Variants in ADARB2 observed in about 807,000 individuals in gnomAD.
ADARB2 encodes the protein inactive double-stranded RNA-specific editase B2.
In ADARB2, 25 loss-of-function variants were observed where a neutral mutation model predicts 62.2. The ratio of observed to expected loss-of-function variants is 0.40; its 90% CI spans 0.29 to 0.56. The LOEUF (loss-of-function observed/expected upper bound fraction) is 0.56. ADARB2 is among the 20% of genes least tolerant of loss of function. ADARB2 has a pLI of 0.43. For synonymous variants in ADARB2, 572 were observed against 500.8 expected (o/e 1.14, Z -1.90); for missense variants, 1,071 against 1,077.4 (o/e 0.99, Z 0.08).
chr10:1,305,195 C>T (rs1340006153), intron 3 of ADARB2, among the ~76,000 whole-genome samples: 115 of 142,484 alleles, frequency 8.1e-4, no homozygotes, highest in South Asian at 3.6e-3. Context: ...ATCAAATAGA[C>T]GCAATAAAAA....
At chr10:1,405,427 C>T (rs907354805) in intron 1 of ADARB2, among the ~76,000 whole-genome samples, 1 of 152,076 alleles carries the variant, frequency 6.6e-6, no homozygotes, top group African/African-American at 2.4e-5. Context: ...GTCAGGAGTT[C>T]GGGACCAGCC....
At chr10:1,673,312 T>TTGTGTGTGTGTGTG (rs1373662397) in intron 1 of ADARB2, among the ~76,000 whole-genome samples, 3 of 72,224 alleles carry the variant, frequency 4.2e-5, no homozygotes, top group East Asian at 9.4e-4. Context: ...AGATTTCATT[T>TTGTGTGTGTGTGTG]TATGTGTGTG....
intron 3 of ADARB2, among the ~76,000 whole-genome samples, chr10:1,299,838 A>G (rs12217541): frequency 0.44 from 66,820 of 152,092 alleles, 16,299 homozygotes; most frequent in East Asian, 0.69. Flanking sequence ...GTGCTTCCGG[A>G]GGCCATGCGG....
chr10:1,608,747 AGAAG>A (rs1247659131), intron 1 of ADARB2, among the ~76,000 whole-genome samples: 11 of 150,128 alleles, frequency 7.3e-5, no homozygotes, highest in African/African-American at 2.5e-4. Context: ...AAGAGAAGAA[AGAAG>A]GAAGGAAGGA....
At chr10:1,680,534 G>A (rs779480107) in intron 1 of ADARB2, among the ~76,000 whole-genome samples, 6 of 152,136 alleles carry the variant, frequency 3.9e-5, no homozygotes, top group Non-Finnish European at 8.8e-5. Flanking sequence ...GTGTGTGGGC[G>A]CTTTTGGAAG....
At chr10:1,575,375 G>A (rs535795328) in intron 1 of ADARB2, among the ~76,000 whole-genome samples, 2 of 152,354 alleles carry the variant, frequency 1.3e-5, no homozygotes, top group Admixed American at 6.5e-5. Context: ...ATTTTTCTGG[G>A]AGGGAAATGC....
At chr10:1,243,287 C>T (rs967686989) in intron 4 of ADARB2, among the ~76,000 whole-genome samples, 6 of 152,372 alleles carry the variant, frequency 3.9e-5, no homozygotes, top group South Asian at 2.1e-4. Flanking sequence ...ACGCGTTAGC[C>T]GCTGACCGCG....
At chr10:1,608,794 A>AAGAG (rs1564345702) in intron 1 of ADARB2, among the ~76,000 whole-genome samples, 1 of 150,478 alleles carries the variant, frequency 6.6e-6, no homozygotes, top group Non-Finnish European at 1.5e-5. Context: ...GAAAGAAAGA[A>AAGAG]AGAAAAGCAA....
At position 1,718,975 on chromosome 10, in the gene ADARB2, TTTG is replaced by T. The variant is rs747322897; in HGVS notation, c.100+18073_100+18075del. Among the ~76,000 whole-genome samples, 81 of 112,080 alleles carry T rather than the reference TTTG, an allele frequency of 7.2e-4. No individual in the cohort carries two copies. The East Asian group carries it at 0.013, about 18-fold the overall frequency. 73.5% of individuals were successfully genotyped at this position (112,080 alleles called of 152,430 possible). Reference sequence around the variant, plus strand: ...CCTAAAAGTTTATCTTTACCTTCTTTTTGTTGTTGTTGTTGTTGTTTTTTGAGA... The same window carrying T: ...CCTAAAAGTTTATCTTTACCTTCTTTTTGTTGTTGTTGTTGTTTTTTGAGA... On this transcript the variant is annotated intron_variant, in intron 1 of 9. Coordinates refer to ENST00000381312, the MANE Select transcript of ADARB2 (RefSeq NM_018702.4).
intron 3 of ADARB2, among the ~76,000 whole-genome samples, chr10:1,317,585 T>C (rs984331109): frequency 2.0e-5 from 3 of 152,226 alleles, no homozygotes; most frequent in Admixed American, 6.5e-5. Flanking sequence ...CGCTATCTTC[T>C]GGTTTGGGTT....
rs976504045 is a variant in ADARB2 at position 1,735,754 on chromosome 10, C to A, written c.100+1297G>T. Among the ~76,000 whole-genome samples, 5 of 152,320 alleles carry A rather than the reference C, an allele frequency of 3.3e-5. No individual in the cohort carries two copies. The East Asian group carries it at 5.8e-4, about 18-fold the overall frequency. The stretch of plus-strand genomic sequence containing the variant: ...CCTTCTGAAACCAAAGGCTCCAAAA[C>A]CTTTTGAGGAAGTTGTGGGGGCCAA... On this transcript the variant is annotated intron_variant, in intron 1 of 9. Transcript: ENST00000381312.
intron 1 of ADARB2, among the ~76,000 whole-genome samples, chr10:1,380,615 G>A (rs1160649132): frequency 1.3e-5 from 2 of 152,206 alleles, no homozygotes; most frequent in Non-Finnish European, 2.9e-5. Flanking sequence ...GTCCAGGAGA[G>A]TTCCCATTGA....
intron 8 of ADARB2, among the ~76,000 whole-genome samples, chr10:1,195,755 G>C (rs1037643661): frequency 1.3e-5 from 2 of 152,164 alleles, no homozygotes; most frequent in African/African-American, 4.8e-5. Context: ...CTGCAGCAGG[G>C]TGAGGCTTTC....
At chr10:1,290,811 T>C (rs1227150693) in intron 3 of ADARB2, 3 of 152,248 alleles carry the variant, frequency 2.0e-5, no homozygotes, top group Non-Finnish European at 4.4e-5. Context: ...AACTTCAAAT[T>C]TGAATACCAT....
intron 1 of ADARB2, among the ~76,000 whole-genome samples, chr10:1,396,342 G>A (rs1189207560): frequency 3.3e-5 from 5 of 152,130 alleles, no homozygotes; most frequent in Non-Finnish European, 5.9e-5. Flanking sequence ...GGGCGCCCAC[G>A]CCTCGGCCGA....
At chr10:1,610,259 C>T (rs1833550427) in intron 1 of ADARB2, among the ~76,000 whole-genome samples, 1 of 152,166 alleles carries the variant, frequency 6.6e-6, no homozygotes, top group African/African-American at 2.4e-5. Context: ...TCGCCTCCAG[C>T]CTCTGCACAA....
chr10:1,447,742 C>T (rs1413377914), intron 1 of ADARB2, among the ~76,000 whole-genome samples: 2 of 152,134 alleles, frequency 1.3e-5, no homozygotes, highest in African/African-American at 4.8e-5. Flanking sequence ...CCTCCAACCT[C>T]AAGCAGGCCC....
At chr10:1,253,496 A>G (rs1484161039) in intron 4 of ADARB2, among the ~76,000 whole-genome samples, 1 of 152,260 alleles carries the variant, frequency 6.6e-6, no homozygotes, top group African/African-American at 2.4e-5. Flanking sequence ...TATCAAGGGC[A>G]TATTTTAATG....
At chr10:1,616,862 C>G (rs1833642039) in intron 1 of ADARB2, among the ~76,000 whole-genome samples, 1 of 148,148 alleles carries the variant, frequency 6.8e-6, no homozygotes, top group East Asian at 2.1e-4. Flanking sequence ...CTGCTGTGCT[C>G]TGCATCCTGG....
Sources: gnomAD v4.1 joint callset for allele counts (sites outside exome capture counted in the v4.1 genomes callset) on GRCh38, gnomAD v4.1.1 for gene constraint, MANE v1.5 for transcripts, NCBI Gene and HGNC (gene_info 2026-07-23, HGNC 2026-07-21) for gene names.